TLE5: variants seen among roughly 807,000 people sequenced by gnomAD.
TLE5 encodes TLE family member 5, transcriptional modulator, also known as TLE family member 5.
TLE5 carries 7 observed loss-of-function variants against 25.8 expected under a neutral mutation model. The observed-to-expected ratio is 0.27, with a 90% confidence interval of 0.15 to 0.51. The LOEUF (loss-of-function observed/expected upper bound fraction) is 0.51. Ranked by LOEUF, TLE5 falls within the 20% of genes least tolerant of loss-of-function variation. The probability of loss-of-function intolerance (pLI) is 0.97; values close to 1 mark genes in which losing one functional copy is unlikely to be tolerated. For missense variants in TLE5, 149 were observed against 250.7 expected, an observed-to-expected ratio of 0.59 and a Z score of 2.74; for synonymous variants, 132 against 110.5, an observed-to-expected ratio of 1.20 and a Z score of -1.22.
upstream of TLE5, chr19:3,062,573 G>GA (rs1015258790): frequency 3.5e-6 from 3 of 867,768 alleles, no homozygotes; most frequent in African/African-American, 5.5e-5. Context: ...CGAGGGGGGG[G>GA]ACGCGCGCGC....
At chr19:3,062,686 C>T, upstream of TLE5, 1 of 1,444,896 alleles carries the variant, frequency 6.9e-7, no homozygotes, top group Non-Finnish European at 9.1e-7. Context: ...GCGGCCCCCG[C>T]CACCCTCTCC....
chr19:3,054,091 C>T (rs2302301), intron 6 of TLE5, 29 bp downstream of exon 6: 320,217 of 936,678 alleles, frequency 0.34, 31,305 homozygotes, highest in Non-Finnish European at 0.38. Context: ...ACCTGTCCCC[C>T]GCCCACCCGC....
intron 6 of TLE5, 34 bp downstream of exon 6, chr19:3,054,086 T>TCGGGGGGGGGGGGGGCCCCC: frequency 1.3e-6 from 2 of 1,512,768 alleles, no homozygotes; most frequent in Non-Finnish European, 1.8e-6. Context: ...GGCCCACCTG[T>TCGGGGGGGGGGGGGGCCCCC]CCCCCGCCCA....
At position 3,055,746 on chromosome 19, in the gene TLE5, C is replaced by T. The variant is rs2090211287; in HGVS notation, c.235-20G>A. 1 of 1,597,482 alleles carries T rather than the reference C, an allele frequency of 6.3e-7. No individual in the cohort carries two copies. Among genetic ancestry groups the T allele is most frequent in the Non-Finnish European group, 8.5e-7 (1 of 1,171,770 alleles). Reference sequence around the variant, plus strand: ...CTCAGCCTGGAACACACAGATGAAGCCGGCTTCAGTCCTGGGCGGGTGGCA... The same window carrying T: ...CTCAGCCTGGAACACACAGATGAAGTCGGCTTCAGTCCTGGGCGGGTGGCA... On this transcript the variant is annotated intron_variant, in intron 4 of 6. Coordinates refer to ENST00000327141, the MANE Select transcript of TLE5 (RefSeq NM_001130.6).
Position 3,054,050 on chromosome 19 carries a change from G to T in TLE5, c.373-10C>A. On this transcript the variant is annotated splice_polypyrimidine_tract_variant and intron_variant, in intron 6 of 6. Coordinates refer to ENST00000327141, the MANE Select transcript of TLE5 (RefSeq NM_001130.6). Reference sequence around the variant, plus strand: ...GGGCTTGGAGCTGCTGCTGCAGGGCGGGGGAGGGGAACATTAGCTGCCTGG... The same window carrying T: ...GGGCTTGGAGCTGCTGCTGCAGGGCTGGGGAGGGGAACATTAGCTGCCTGG... 1 of 1,576,316 alleles carries T rather than the reference G, an allele frequency of 6.3e-7. No homozygotes were observed.
chr19:3,061,916 C>A, intron 1 of TLE5, among the ~76,000 whole-genome samples: 1 of 62,176 alleles, frequency 1.6e-5, no homozygotes. Context: ...CCGGGAGCTG[C>A]GGCGGGGGGG....
intron 1 of TLE5, among the ~76,000 whole-genome samples, chr19:3,061,965 G>T (rs1313688545): frequency 7.6e-6 from 1 of 132,042 alleles, no homozygotes; most frequent in Non-Finnish European, 1.7e-5. Flanking sequence ...GGAACTGGAG[G>T]GGGGGTGTCC....
Position 3,056,218 on chromosome 19 carries a change from C to G in TLE5, c.234+94G>C, listed in dbSNP as rs530811499. On this transcript the variant is annotated intron_variant, in intron 4 of 6. Coordinates refer to ENST00000327141, the MANE Select transcript of TLE5 (RefSeq NM_001130.6). ...GCTTGGTGCCCAGCCGAGGGCCGGC[C>G]GCTACCTGCCTGGGGGTGCCCAAGG... is the stretch of plus-strand genomic sequence containing the variant. The G allele has an allele frequency of 2.5e-4, 221 of 888,038 alleles. 1 individual carries two copies. In the African/African-American group the frequency reaches 3.4e-3, roughly 14 times the overall value. The allele number at this position is 888,038 out of a possible 1,614,324, so 55.0% of individuals were successfully genotyped here.
Position 3,054,097 on chromosome 19 carries a change from CCCGCCCAGGT to C in TLE5, c.372+13_372+22del. 7.3e-7 allele frequency: 1 copy of C among 1,363,426 alleles called. No individual in the cohort carries two copies. Among genetic ancestry groups the C allele is most frequent in the Non-Finnish European group, 1.0e-6 (1 of 980,812 alleles). 84.5% of individuals were successfully genotyped at this position (1,363,426 alleles called of 1,614,324 possible). On this transcript the variant is annotated intron_variant, in intron 6 of 6. Coordinates refer to ENST00000327141, the MANE Select transcript of TLE5 (RefSeq NM_001130.6). ...CTGGGGCCCACCTGTCCCCCGCCCA[CCCGCCCAGGT>C]CCCCATACATACTCGGATGATAGAG...
rs1262876522 is a variant in TLE5, at chr19:3,062,422, C to T, written c.-222G>A. 11 of 776,396 alleles carry T rather than the reference C, an allele frequency of 1.4e-5. No individual in the cohort carries two copies. The highest frequency in any genetic ancestry group is 1.6e-5 in the Non-Finnish European group (10 of 642,380). 48.1% of individuals were successfully genotyped at this position (776,396 alleles called of 1,614,324 possible). A position where few individuals can be genotyped will look rare whatever the true frequency, so the allele number is the denominator to read the frequency against. ...CTTCCTGCGCGCCCGGCGCCCCTCC[C>T]CGCCCCTCCCCGCCGCCCGCCTCCC... On this transcript the variant is annotated 5_prime_UTR_variant, in exon 1 of 7. Coordinates refer to ENST00000327141, the MANE Select transcript of TLE5 (RefSeq NM_001130.6).
intron 1 of TLE5, among the ~76,000 whole-genome samples, chr19:3,061,668 GTCTC>G (rs968450686): frequency 1.1e-4 from 17 of 151,480 alleles, no homozygotes; most frequent in South Asian, 6.2e-4. Context: ...TGGGGGAGGG[GTCTC>G]TCTCTCGGTG....
chr19:3,055,877 G>A, intron 4 of TLE5, 151 bp from the exon 5 acceptor site: 4 of 777,744 alleles, frequency 5.1e-6, no homozygotes, highest in Middle Eastern at 3.2e-4. Context: ...GCAAAGCCGT[G>A]TTCGGGCCCG....
chr19:3,054,198 G>C lies in TLE5; in HGVS notation c.298-4C>G, dbSNP rs2302302. On this transcript the variant is annotated splice_polypyrimidine_tract_variant and splice_region_variant and intron_variant, in intron 5 of 6. Transcript: ENST00000327141. ...CTCCCAAGACCTGCTGCTGGTGCTG[G>C]AAGGGGGTCGGGGGAGAGGAGAGGC... 51,246 of 1,607,998 alleles carry C rather than the reference G, an allele frequency of 0.032. 2,056 individuals are homozygous for C. The highest frequency in any genetic ancestry group is 0.15 in the East Asian group (6,573 of 44,686).
At chr19:3,054,086 T>TCGGGGGGGGGGGGGCCC in intron 6 of TLE5, 34 bp downstream of exon 6, 4 of 1,512,730 alleles carry the variant, frequency 2.6e-6, no homozygotes, top group Non-Finnish European at 3.6e-6. Flanking sequence ...GGCCCACCTG[T>TCGGGGGGGGGGGGGCCC]CCCCCGCCCA....
rs965521207 is a variant in TLE5 at position 3,058,498 on chromosome 19, G to T, written c.126-756C>A. On this transcript the variant is annotated intron_variant, in intron 2 of 6. Coordinates refer to ENST00000327141, the MANE Select transcript of TLE5 (RefSeq NM_001130.6). The stretch of plus-strand genomic sequence containing the variant: ...GGCGGCTCCCGGCTGGACTTCCCAA[G>T]GGGACCCTAGCTTCATGGGGGGCCT... Among the ~76,000 whole-genome samples, 4 of 152,182 alleles carry T rather than the reference G, an allele frequency of 2.6e-5. No homozygotes were observed. The East Asian group carries it at 7.7e-4, about 29-fold the overall frequency.
intron 2 of TLE5, among the ~76,000 whole-genome samples, chr19:3,060,617 C>A (rs2090258275): frequency 6.6e-6 from 1 of 152,092 alleles, no homozygotes. Flanking sequence ...CAGGCATGAG[C>A]CACCACGCCT....
chr19:3,056,186 C>G, intron 4 of TLE5, 126 bp downstream of exon 4: 1 of 578,170 alleles, frequency 1.7e-6, no homozygotes, highest in Non-Finnish European at 2.9e-6. Context: ...ACAGGATAAC[C>G]GGGCTGGCTT....
At chr19:3,057,651 A>C in intron 3 of TLE5, 28 bp downstream of exon 3, 1 of 1,608,934 alleles carries the variant, frequency 6.2e-7, no homozygotes. Context: ...CGCCCCCAAC[A>C]CTGGACCTGG....
chr19:3,056,366 GGAGA>G lies in TLE5; in HGVS notation c.190-14_190-11del. The G allele has an allele frequency of 1.2e-5, 15 of 1,239,146 alleles. No individual in the cohort carries two copies. The highest frequency in any genetic ancestry group is 1.6e-5 in the Non-Finnish European group (15 of 937,914). The allele number at this position is 1,239,146 out of a possible 1,614,324, so 76.8% of individuals were successfully genotyped here. ...AGGACATCTCGTAGTACTGTATGGG[GGAGA>G]GAGAGGGGGAGCGGGAGATGGGGGT... On this transcript the variant is annotated splice_polypyrimidine_tract_variant and intron_variant, in intron 3 of 6. Transcript: ENST00000327141.
Sources: gnomAD v4.1 joint callset for allele counts (sites outside exome capture counted in the v4.1 genomes callset) on GRCh38, gnomAD v4.1.1 for gene constraint, MANE v1.5 for transcripts, NCBI Gene and HGNC (gene_info 2026-07-23, HGNC 2026-07-21) for gene names.